The following WWOX variants were observed in gnomAD, a reference collection of about 807,000 sequenced individuals.
WWOX encodes WW domain-containing oxidoreductase.
WWOX carries 69 observed loss-of-function variants against 46.2 expected under a neutral mutation model. That is an observed-to-expected ratio of 1.49 (90% CI 1.23 to 1.82). The LOEUF (loss-of-function observed/expected upper bound fraction) is 1.82, where lower values mean the gene tolerates loss of function less well. Among genes scored for constraint, WWOX ranks in the 40% most tolerant of loss-of-function variants. The pLI is 0.00. For synonymous variants in WWOX, 359 were observed against 202.6 expected (o/e 1.77, Z -6.56); for missense variants, 919 against 542.6 (o/e 1.69, Z -6.89).
chr16:79,080,313 A>G (rs1473631468), intron 8 of WWOX, among the ~76,000 whole-genome samples: 2 of 151,690 alleles, frequency 1.3e-5, no homozygotes, highest in Non-Finnish European at 3.0e-5. Context: ...ATCTGGTTCA[A>G]TTATTCTCTT....
chr16:78,823,018 T>C (rs940862483), intron 8 of WWOX, among the ~76,000 whole-genome samples: 1 of 152,230 alleles, frequency 6.6e-6, no homozygotes, highest in African/African-American at 2.4e-5. Flanking sequence ...AATATTGGAT[T>C]CATATTCAAC....
At chr16:79,141,800 C>G (rs1218531224) in intron 8 of WWOX, among the ~76,000 whole-genome samples, 1 of 151,896 alleles carries the variant, frequency 6.6e-6, no homozygotes, top group Non-Finnish European at 1.5e-5. Context: ...TTGTGATAAG[C>G]CCGTCTAGCA....
chr16:78,565,009 G>T (rs934674216), intron 8 of WWOX, among the ~76,000 whole-genome samples: 7 of 152,100 alleles, frequency 4.6e-5, no homozygotes, highest in Non-Finnish European at 1.0e-4. Context: ...AATTGTTGGA[G>T]CCCTAGGAAC....
At chr16:78,669,175 A>G (rs898558054) in intron 8 of WWOX, among the ~76,000 whole-genome samples, 16 of 152,150 alleles carry the variant, frequency 1.1e-4, no homozygotes, top group Admixed American at 7.2e-4. Flanking sequence ...GAACCGGAAG[A>G]CAAAAAACTT....
chr16:78,764,369 C>T (rs1037324331), intron 8 of WWOX, among the ~76,000 whole-genome samples: 2 of 151,010 alleles, frequency 1.3e-5, no homozygotes, highest in African/African-American at 2.4e-5. Flanking sequence ...CACAGGAGGC[C>T]GCCTCCTCCT....
rs536778217 is a variant in WWOX at position 78,777,785 on chromosome 16, G to A, written c.1056+345033G>A. 1.5e-3 allele frequency among the ~76,000 whole-genome samples: 224 copies of A among 152,218 alleles called. 1 individual carries two copies. Among genetic ancestry groups the A allele is most frequent in the Middle Eastern group, 3.4e-3 (1 of 294 alleles). ...ATTTCGACTGGGCCTGGTGGCTCACGCCTGTAATCCCAGCACTTTGGGAGG... is the reference window on the plus strand; with the variant it reads ...ATTTCGACTGGGCCTGGTGGCTCACACCTGTAATCCCAGCACTTTGGGAGG... On this transcript the variant is annotated intron_variant, in intron 8 of 8. Coordinates refer to ENST00000566780, the MANE Select transcript of WWOX (RefSeq NM_016373.4).
intron 8 of WWOX, among the ~76,000 whole-genome samples, chr16:79,027,946 T>G (rs1402788477): frequency 6.6e-6 from 1 of 151,682 alleles, no homozygotes; most frequent in African/African-American, 2.4e-5. Context: ...TGTTTTTCTT[T>G]TTTGTTGTTG....
intron 8 of WWOX, among the ~76,000 whole-genome samples, chr16:79,034,611 G>T (rs2047830049): frequency 6.6e-6 from 1 of 151,750 alleles, no homozygotes; most frequent in Non-Finnish European, 1.5e-5. Flanking sequence ...TCTGTTCCTG[G>T]ATTGTCTCAA....
chr16:78,764,568 G>A lies in WWOX; in HGVS notation c.1056+331816G>A, dbSNP rs991984432. On this transcript the variant is annotated intron_variant, in intron 8 of 8. Transcript: ENST00000566780. Reference sequence around the variant, plus strand: ...GACATTTCTCCTTTGGCCTTCATCTGTTACTCGCTCACATGTGCCGTGCCC... The same window carrying A: ...GACATTTCTCCTTTGGCCTTCATCTATTACTCGCTCACATGTGCCGTGCCC... Among the ~76,000 whole-genome samples the A allele has an allele frequency of 2.9e-5, 4 of 138,774 alleles. 1 individual carries two copies. Among genetic ancestry groups the A allele is most frequent in the Admixed American group, 1.6e-4 (2 of 12,206 alleles). 91.0% of individuals were successfully genotyped at this position (138,774 alleles called of 152,430 possible). A position where few individuals can be genotyped will look rare whatever the true frequency, so the allele number is the denominator to read the frequency against.
At chr16:78,363,916 C>A in intron 5 of WWOX, among the ~76,000 whole-genome samples, 1 of 152,234 alleles carries the variant, frequency 6.6e-6, no homozygotes, top group East Asian at 1.9e-4. Context: ...GTCTCTCCGC[C>A]ATCTTGTTGT....
At chr16:78,942,834 C>T (rs568682780) in intron 8 of WWOX, among the ~76,000 whole-genome samples, 24 of 152,306 alleles carry the variant, frequency 1.6e-4, no homozygotes, top group African/African-American at 5.1e-4. Context: ...GGATGAATTC[C>T]AAATCCCGTG....
At chr16:79,074,616 C>T (rs976962120) in intron 8 of WWOX, among the ~76,000 whole-genome samples, 5 of 151,488 alleles carry the variant, frequency 3.3e-5, no homozygotes, top group African/African-American at 1.2e-4. Flanking sequence ...GCTAGGAATA[C>T]TAAGAACCTA....
chr16:78,157,449 A>T (rs182071010), intron 4 of WWOX, among the ~76,000 whole-genome samples: 1 of 152,096 alleles, frequency 6.6e-6, no homozygotes, highest in Non-Finnish European at 1.5e-5. Flanking sequence ...ATTTGAGATT[A>T]TTGTCGTCTT....
At chr16:78,589,529 C>T (rs1271787275) in intron 8 of WWOX, among the ~76,000 whole-genome samples, 1 of 152,156 alleles carries the variant, frequency 6.6e-6, no homozygotes, top group Non-Finnish European at 1.5e-5. Context: ...AAGAGTCCAC[C>T]TTGGCAGAAC....
intron 7 of WWOX, among the ~76,000 whole-genome samples, chr16:78,429,913 G>C (rs1243695156): frequency 1.3e-5 from 2 of 152,170 alleles, no homozygotes; most frequent in Admixed American, 6.5e-5. Flanking sequence ...ACCTTGAATG[G>C]ACTCTCATAA....
intron 5 of WWOX, among the ~76,000 whole-genome samples, chr16:78,383,138 C>T (rs1218868756): frequency 6.6e-6 from 1 of 151,414 alleles, no homozygotes; most frequent in African/African-American, 2.4e-5. Context: ...TCACCTCCCA[C>T]CAGGCCCCAC....
At chr16:79,019,112 C>G (rs750078359) in intron 8 of WWOX, among the ~76,000 whole-genome samples, 5 of 123,996 alleles carry the variant, frequency 4.0e-5, no homozygotes, top group African/African-American at 6.1e-5. Context: ...GAGGCAAGAT[C>G]ACACCACTGC....
At chr16:78,532,492 G>A (rs960508439) in intron 8 of WWOX, among the ~76,000 whole-genome samples, 1 of 152,126 alleles carries the variant, frequency 6.6e-6, no homozygotes. Flanking sequence ...ACTAGCTAGG[G>A]TGTTGATAAG....
intron 8 of WWOX, among the ~76,000 whole-genome samples, chr16:78,817,004 G>T (rs1597661831): frequency 6.6e-6 from 1 of 151,982 alleles, no homozygotes; most frequent in South Asian, 2.1e-4. Flanking sequence ...GTCCTGACTT[G>T]GCTTGGGTTC....
Sources: gnomAD v4.1 joint callset for allele counts (sites outside exome capture counted in the v4.1 genomes callset) on GRCh38, gnomAD v4.1.1 for gene constraint, MANE v1.5 for transcripts, NCBI Gene and HGNC (gene_info 2026-07-23, HGNC 2026-07-21) for gene names.